Variants in ADGRL1 observed in about 807,000 individuals in gnomAD.
The protein encoded by ADGRL1 is CIRL-1.
Under a neutral mutation model 148.9 loss-of-function variants are expected in ADGRL1, and 31 were observed. The observed-to-expected ratio is 0.21, with a 90% CI of 0.16 to 0.28. ADGRL1 has a LOEUF of 0.28. Ranked by LOEUF, ADGRL1 falls within the 10% of genes least tolerant of loss-of-function variation. The pLI, the probability that ADGRL1 is intolerant of heterozygous loss-of-function variation, is 1.00. For missense variants in ADGRL1, 1,521 were observed against 2,058.8 expected (o/e 0.74, Z 5.05); for synonymous variants, 937 against 900.3 (o/e 1.04, Z -0.73).
Position 14,156,247 on chromosome 19 carries a change from T to G in ADGRL1, c.3034-46A>C, listed in dbSNP as rs1006140505. On this transcript the variant is annotated intron_variant, in intron 16 of 22. Coordinates refer to ENST00000361434, the MANE Select transcript of ADGRL1 (RefSeq NM_014921.5). The stretch of plus-strand genomic sequence containing the variant: ...AGGCTGGGCTGAGAGTGGCCCTGCC[T>G]CCCTCAGTGAGCACTGAGGCTAGGG... 2.1e-6 allele frequency: 3 copies of G among 1,428,926 alleles called. No homozygotes were observed. In the African/African-American group the frequency reaches 4.2e-5, roughly 20 times the overall value. The allele number at this position is 1,428,926 out of a possible 1,614,324, so 88.5% of individuals were successfully genotyped here.
Position 14,154,607 on chromosome 19 carries a change from TTTTG to T in ADGRL1, c.3294+748_3294+751del, listed in dbSNP as rs1014406229. Among the ~76,000 whole-genome samples, 10 of 151,334 alleles carry T rather than the reference TTTTG, an allele frequency of 6.6e-5. No individual in the cohort carries two copies. The East Asian group carries it at 1.2e-3, about 18-fold the overall frequency. On this transcript the variant is annotated intron_variant, in intron 18 of 22. Coordinates refer to ENST00000361434, the MANE Select transcript of ADGRL1 (RefSeq NM_014921.5). Reference sequence around the variant, plus strand: ...ACCCAGCCCTTTGTATGTGTGGTTTTTTTGTTTGTTTGTTTTGGAGACAGAGTTT... The same window carrying T: ...ACCCAGCCCTTTGTATGTGTGGTTTTTTTGTTTGTTTTGGAGACAGAGTTT...
intron 1 of ADGRL1, among the ~76,000 whole-genome samples, chr19:14,197,965 C>T (rs111697032): frequency 0.16 from 24,427 of 152,108 alleles, 2,402 homozygotes; most frequent in Non-Finnish European, 0.22. Flanking sequence ...GTAGGTGCAA[C>T]TGTAGACAGG....
chr19:14,176,569 G>A (rs1388549096), intron 3 of ADGRL1, among the ~76,000 whole-genome samples: 1 of 152,076 alleles, frequency 6.6e-6, no homozygotes, highest in Admixed American at 6.6e-5. Flanking sequence ...GGGTGCGGTG[G>A]CTCATGCCTG....
chr19:14,168,238 C>T (rs1271374478), intron 4 of ADGRL1, among the ~76,000 whole-genome samples: 1 of 152,018 alleles, frequency 6.6e-6, no homozygotes, highest in Admixed American at 6.5e-5. Flanking sequence ...CAGCCTCTGC[C>T]TCCCTTCCCA....
Position 14,152,437 on chromosome 19 carries a change from C to T in ADGRL1, c.3521G>A (p.Gly1174Asp), listed in dbSNP as rs1023666692. The part of the protein sequence containing the change: ...DINSTPTLNR[G>D]TMGNHLLTNP... Reference sequence around the variant, plus strand: ...GGTCAGCAGGTGGTTCCCCATGGTACCTGGCCAAAGGATCAGAGGTCACAA... The same window carrying T: ...GGTCAGCAGGTGGTTCCCCATGGTATCTGGCCAAAGGATCAGAGGTCACAA... Residue 1174 changes from glycine to aspartate, a missense_variant and splice_region_variant, in exon 21 of 23, where the codon GGT (glycine) becomes GAT (aspartate). Transcript: ENST00000361434. The surrounding 1 kb of genome is among the most constrained non-coding windows in gnomAD (Gnocchi z 6.1). 2 of 1,603,194 alleles carry T rather than the reference C, an allele frequency of 1.2e-6. No individual in the cohort carries two copies. The highest frequency in any genetic ancestry group is 2.7e-5 in the African/African-American group (2 of 74,748).
chr19:14,186,550 C>T (rs1279967889), intron 1 of ADGRL1, among the ~76,000 whole-genome samples: 1 of 152,160 alleles, frequency 6.6e-6, no homozygotes, highest in Admixed American at 6.6e-5. Context: ...CCACTTCTGG[C>T]TCTAAGCACA....
chr19:14,157,591 A>G lies in ADGRL1; in HGVS notation c.2536-131T>C. The G allele has an allele frequency of 1.1e-6, 1 of 891,584 alleles. No individual in the cohort carries two copies. Among genetic ancestry groups the G allele is most frequent in the Non-Finnish European group, 1.7e-6 (1 of 573,052 alleles). 55.2% of individuals were successfully genotyped at this position (891,584 alleles called of 1,614,324 possible). A position where few individuals can be genotyped will look rare whatever the true frequency, so the allele number is the denominator to read the frequency against. On this transcript the variant is annotated intron_variant, in intron 13 of 22. Coordinates refer to ENST00000361434, the MANE Select transcript of ADGRL1 (RefSeq NM_014921.5). This position sits in a 1 kb window ranked among gnomAD's most constrained non-coding sequence, Gnocchi z 7.5. ...GGACCTCTGGTGCCGCCAACCTGGC[A>G]GCCCTCACCCCTCTGCACGCAGCAA...
Position 14,155,534 on chromosome 19 carries a change from G to C in ADGRL1, c.3126-7C>G, listed in dbSNP as rs372638819. ...GGCCCCCAGCGCCCAGGATCTGGGA[G>C]TGGGGCGACAGGGGAGTCAAAGTAC... On this transcript the variant is annotated splice_region_variant and splice_polypyrimidine_tract_variant and intron_variant, in intron 17 of 22. Coordinates refer to ENST00000361434, the MANE Select transcript of ADGRL1 (RefSeq NM_014921.5). The surrounding 1 kb of genome is among the most constrained non-coding windows in gnomAD (Gnocchi z 5.0). 6.2e-7 allele frequency: 1 copy of C among 1,613,180 alleles called. No homozygotes were observed. Among genetic ancestry groups the C allele is most frequent in the Admixed American group, 1.7e-5 (1 of 60,022 alleles).
Position 14,159,713 on chromosome 19 carries a change from A to G in ADGRL1, c.1839+22T>C. The G allele has an allele frequency of 6.2e-7, 1 of 1,611,830 alleles. No individual in the cohort carries two copies. The highest frequency in any genetic ancestry group is 1.1e-5 in the South Asian group (1 of 91,026). On this transcript the variant is annotated intron_variant, in intron 9 of 22. Transcript: ENST00000361434. This position sits in a 1 kb window ranked among gnomAD's most constrained non-coding sequence, Gnocchi z 6.0. ...ATCAGCTGGAGCCCACGGTCCTTAC[A>G]CTGGGACCCCCTGGGTCTCACCTTG...
Position 14,177,760 on chromosome 19 carries a change from G to C in ADGRL1, c.71-16C>G. On this transcript the variant is annotated splice_polypyrimidine_tract_variant and intron_variant, in intron 2 of 22. Coordinates refer to ENST00000361434, the MANE Select transcript of ADGRL1 (RefSeq NM_014921.5). ...CGGCTCAGGCCTGCAGGGAGGGTTG[G>C]GGATGGTGTCACTCCTGGGCCTGGG... 6.2e-7 allele frequency: 1 copy of C among 1,603,968 alleles called. No individual in the cohort carries two copies. Among genetic ancestry groups the C allele is most frequent in the Non-Finnish European group, 8.5e-7 (1 of 1,176,514 alleles).
In ADGRL1 at chr19:14,183,259, G is replaced by A. The variant is rs539008044; in HGVS notation, c.70+274C>T. ...AGAGGAGCATCGGCTCACCAAGAAG[G>A]CCTGTCCTGGTCCCAGGGGCCACAG... is the stretch of plus-strand genomic sequence containing the variant. On this transcript the variant is annotated intron_variant, in intron 2 of 22. Transcript: ENST00000361434. Among the ~76,000 whole-genome samples, 26 of 149,958 alleles carry A rather than the reference G, an allele frequency of 1.7e-4. No individual in the cohort carries two copies. In the South Asian group the frequency reaches 4.9e-3, roughly 28 times the overall value.
intron 3 of ADGRL1, among the ~76,000 whole-genome samples, chr19:14,176,401 G>A (rs1970831007): frequency 6.6e-6 from 1 of 152,128 alleles, no homozygotes; most frequent in South Asian, 2.1e-4. Context: ...CATACTCATA[G>A]ATGCATGCAA....
chr19:14,160,327 TC>T lies in ADGRL1; in HGVS notation c.1615-31del. The T allele has an allele frequency of 6.4e-7, 1 of 1,569,202 alleles. No homozygotes were observed. Among genetic ancestry groups the T allele is most frequent in the Non-Finnish European group, 8.7e-7 (1 of 1,149,142 alleles). On this transcript the variant is annotated intron_variant, in intron 7 of 22. Transcript: ENST00000361434. The surrounding 1 kb of genome is among the most constrained non-coding windows in gnomAD (Gnocchi z 5.9). ...ATGAGGTGGGGGCGGGAAGGGGGAATCCCAGGACTGTCAGGGACCATCCTGC... is the reference window on the plus strand; with the variant it reads ...ATGAGGTGGGGGCGGGAAGGGGGAATCCAGGACTGTCAGGGACCATCCTGC...
intron 1 of ADGRL1, 79 bp from the exon 2 acceptor site, chr19:14,183,776 C>T (rs1971387726): frequency 1.7e-6 from 1 of 602,986 alleles, no homozygotes; most frequent in Non-Finnish European, 2.9e-6. Context: ...GGCTGAGTAG[C>T]TCTGAGAGGC....
chr19:14,161,294 T>A lies in ADGRL1; in HGVS notation c.1510+18A>T, dbSNP rs112164250. On this transcript the variant is annotated intron_variant, in intron 6 of 22. Coordinates refer to ENST00000361434, the MANE Select transcript of ADGRL1 (RefSeq NM_014921.5). This position sits in a 1 kb window ranked among gnomAD's most constrained non-coding sequence, Gnocchi z 4.4. ...GCATGGCCCCCATCCCTCCCCTGGC[T>A]GCAGCCTCTGTACTCACCTCGAGTC... The A allele has an allele frequency of 3.3e-6, 5 of 1,537,324 alleles. No homozygotes were observed. Among genetic ancestry groups the A allele is most frequent in the African/African-American group, 1.4e-5 (1 of 71,260 alleles).
At position 14,182,213 on chromosome 19, in the gene ADGRL1, A is replaced by G. The variant is rs1971246618; in HGVS notation, c.70+1320T>C. Among the ~76,000 whole-genome samples, 7 of 152,298 alleles carry G rather than the reference A, an allele frequency of 4.6e-5. 1 individual carries two copies. In the South Asian group the frequency reaches 1.4e-3, roughly 32 times the overall value. ...GGCTCCAGGGTGTTAATGTGTGCAG[A>G]GCGCAGTGAGATGATATGAATGCTA... is the stretch of plus-strand genomic sequence containing the variant. On this transcript the variant is annotated intron_variant, in intron 2 of 22. Coordinates refer to ENST00000361434, the MANE Select transcript of ADGRL1 (RefSeq NM_014921.5).
Position 14,162,628 on chromosome 19 carries a change from G to A in ADGRL1, c.1173C>T (p.Phe391=), listed in dbSNP as rs199752117. 9.3e-6 allele frequency: 15 copies of A among 1,607,626 alleles called. No individual in the cohort carries two copies. Among genetic ancestry groups the A allele is most frequent in the East Asian group, 4.5e-5 (2 of 44,656 alleles). Residue 391 remains phenylalanine (F), a synonymous_variant, in exon 5 of 23, where the codon TTC becomes TTT. Coordinates refer to ENST00000361434, the MANE Select transcript of ADGRL1 (RefSeq NM_014921.5). This position sits in a 1 kb window ranked among gnomAD's most constrained non-coding sequence, Gnocchi z 5.4. ...NYFVVRYSLE[F]GPPDPSAGPA... ...CACCAGCACTGGGGTCGGGCGGCCC[G>A]AACTCCAGGCTGTAGCGCACCACGA...
intron 4 of ADGRL1, among the ~76,000 whole-genome samples, chr19:14,167,351 C>A (rs1290853621): frequency 2.6e-5 from 4 of 150,982 alleles, no homozygotes; most frequent in African/African-American, 4.9e-5. Flanking sequence ...GGCAGGCAGA[C>A]AGAGCCCTCA....
chr19:14,170,548 G>T, intron 4 of ADGRL1, 134 bp downstream of exon 4: 1 of 604,218 alleles, frequency 1.7e-6, no homozygotes, highest in Admixed American at 2.7e-5. Flanking sequence ...GTGTGTTGGA[G>T]AGAGCAGGCC....
Sources: gnomAD v4.1 joint callset for allele counts (sites outside exome capture counted in the v4.1 genomes callset) on GRCh38, gnomAD v4.1.1 for gene constraint, Gnocchi (gnomAD v3.1) non-coding constraint, MANE v1.5 for transcripts, NCBI Gene and HGNC (gene_info 2026-07-23, HGNC 2026-07-21) for gene names.